Variants in SANBR observed in about 807,000 individuals in gnomAD.
The protein encoded by SANBR is SANT and BTB domain regulator of class switch recombination.
Under a neutral mutation model 101.8 loss-of-function variants are expected in SANBR, and 77 were observed. The observed-to-expected ratio is 0.76, with a 90% CI of 0.63 to 0.91. The LOEUF (loss-of-function observed/expected upper bound fraction) is 0.91. SANBR is among the 40% of genes least tolerant of loss of function. The pLI is 0.00. For missense variants in SANBR, 875 were observed against 853.0 expected (o/e 1.03, Z -0.32); for synonymous variants, 279 against 274.7 (o/e 1.02, Z -0.15).
In SANBR at chr2:61,107,296, G is replaced by C. The variant is rs541157328; in HGVS notation, c.1611+634G>C. Among the ~76,000 whole-genome samples, 20 of 151,862 alleles carry C rather than the reference G, an allele frequency of 1.3e-4. No homozygotes were observed. In the South Asian group the frequency reaches 4.0e-3, roughly 30 times the overall value. ...CCTTCTGCTTCTGTAAACTTTTTTT[G>C]GCATAAAATTATCCTTTTATTGTAA... On this transcript the variant is annotated intron_variant, in intron 14 of 21. Coordinates refer to ENST00000402291, the MANE Select transcript of SANBR (RefSeq NM_001129993.3).
chr2:61,092,169 A>C (rs907256266), intron 10 of SANBR, among the ~76,000 whole-genome samples: 11 of 152,214 alleles, frequency 7.2e-5, no homozygotes. Context: ...TTGGTATTCA[A>C]ATCATTCATA....
At chr2:61,119,424 C>T (rs1014214560) in intron 20 of SANBR, among the ~76,000 whole-genome samples, 4 of 151,740 alleles carry the variant, frequency 2.6e-5, no homozygotes, top group African/African-American at 7.3e-5. Context: ...ACTATTTAGA[C>T]AATGAAAAGA....
chr2:61,107,655 G>A (rs1683638192), intron 14 of SANBR, among the ~76,000 whole-genome samples: 1 of 152,118 alleles, frequency 6.6e-6, no homozygotes, highest in South Asian at 2.1e-4. Context: ...TGTAATCCCT[G>A]CACTTTGGGA....
intron 6 of SANBR, among the ~76,000 whole-genome samples, chr2:61,079,994 CAA>C (rs1197273064): frequency 6.7e-6 from 1 of 149,626 alleles, no homozygotes; most frequent in Non-Finnish European, 1.5e-5. Context: ...GGTCAGGAGG[CAA>C]GACTAGCCTG....
At position 61,122,853 on chromosome 2, in the gene SANBR, C is replaced by CT; in HGVS notation, c.*692dup. 1.0e-6 allele frequency: 1 copy of CT among 984,998 alleles called. No individual in the cohort carries two copies. Among genetic ancestry groups the CT allele is most frequent in the South Asian group, 4.7e-5 (1 of 21,282 alleles). The allele number at this position is 984,998 out of a possible 1,614,324, so 61.0% of individuals were successfully genotyped here. The stretch of plus-strand genomic sequence containing the variant: ...GAATTACTGATTATTACTCTGTCCT[C>CT]TGTGAAACTAGTGGCATTCTGAATT... On this transcript the variant is annotated 3_prime_UTR_variant, in exon 22 of 22. Coordinates refer to ENST00000402291, the MANE Select transcript of SANBR (RefSeq NM_001129993.3).
At chr2:61,119,057 G>A (rs1400041690) in intron 20 of SANBR, among the ~76,000 whole-genome samples, 1 of 152,112 alleles carries the variant, frequency 6.6e-6, no homozygotes, top group African/African-American at 2.4e-5. Flanking sequence ...TCCAGCAGGC[G>A]ACTGTCTGAA....
intron 20 of SANBR, among the ~76,000 whole-genome samples, chr2:61,120,159 A>G (rs1684262674): frequency 6.6e-6 from 1 of 152,220 alleles, no homozygotes; most frequent in Non-Finnish European, 1.5e-5. Context: ...AACTAGAAAT[A>G]CTATAAATGA....
Position 61,081,525 on chromosome 2 carries a change from A to C in SANBR, c.729+15A>C. 6.6e-7 allele frequency: 1 copy of C among 1,523,026 alleles called. No homozygotes were observed. Among genetic ancestry groups the C allele is most frequent in the Non-Finnish European group, 8.8e-7 (1 of 1,142,230 alleles). 94.3% of individuals were successfully genotyped at this position (1,523,026 alleles called of 1,614,324 possible). ...TGGATTCACTAGTAAGTATTGACTT[A>C]AAAAAAATCAAAGTGCTTCTGTTCA... On this transcript the variant is annotated intron_variant, in intron 7 of 21. Transcript: ENST00000402291.
intron 5 of SANBR, chr2:61,075,146 ACAATT>A (rs1298285558): frequency 6.6e-6 from 1 of 152,304 alleles, no homozygotes; most frequent in East Asian, 1.9e-4. Flanking sequence ...AATTAAACAC[ACAATT>A]CAATTAAATT....
chr2:61,115,806 C>T (rs1684049716), intron 16 of SANBR, 173 bp from the exon 17 acceptor site: 1 of 478,076 alleles, frequency 2.1e-6, no homozygotes, highest in African/African-American at 2.0e-5. Flanking sequence ...CTTATGAACC[C>T]CTGTAAAGCA....
At position 61,091,320 on chromosome 2, in the gene SANBR, G is replaced by A. The variant is rs188766199; in HGVS notation, c.1089-1144G>A. 1.4e-3 allele frequency among the ~76,000 whole-genome samples: 211 copies of A among 152,102 alleles called. No homozygotes were observed. In the Middle Eastern group the frequency reaches 0.034, roughly 25 times the overall value. ...TATTAGCCAGGTGTAGGTTTGGCATGGTGGCTCATGCTTGTAATCCTAGCA... is the reference window on the plus strand; with the variant it reads ...TATTAGCCAGGTGTAGGTTTGGCATAGTGGCTCATGCTTGTAATCCTAGCA... On this transcript the variant is annotated intron_variant, in intron 10 of 21. Coordinates refer to ENST00000402291, the MANE Select transcript of SANBR (RefSeq NM_001129993.3).
At chr2:61,079,639 A>G (rs1206742439) in intron 6 of SANBR, among the ~76,000 whole-genome samples, 1 of 152,210 alleles carries the variant, frequency 6.6e-6, no homozygotes. Context: ...CAAAACATGT[A>G]GAGAGAGAAA....
chr2:61,074,796 C>G (rs1681673359), intron 5 of SANBR, among the ~76,000 whole-genome samples: 1 of 152,132 alleles, frequency 6.6e-6, no homozygotes, highest in Non-Finnish European at 1.5e-5. Flanking sequence ...ATTTTATACT[C>G]TAGTCTAAAA....
intron 3 of SANBR, among the ~76,000 whole-genome samples, chr2:61,071,139 A>G (rs1573581742): frequency 6.6e-6 from 1 of 152,226 alleles, no homozygotes; most frequent in Non-Finnish European, 1.5e-5. Flanking sequence ...GCATAGTGAA[A>G]TGTATACAAA....
At chr2:61,076,887 A>ATAT in intron 5 of SANBR, 33 bp from the exon 6 acceptor site, 1 of 1,482,908 alleles carries the variant, frequency 6.7e-7, no homozygotes, top group South Asian at 1.2e-5. Flanking sequence ...TAAAACTCTA[A>ATAT]TAATTTCATT....
chr2:61,134,001 G>A (rs1684767596), intron 20 of SANBR: 1 of 1,316,622 alleles, frequency 7.6e-7, no homozygotes, highest in African/African-American at 1.5e-5. Flanking sequence ...AATTGCATTT[G>A]GGTAATAGAA....
At position 61,067,691 on chromosome 2, in the gene SANBR, G is replaced by A. The variant is rs1681253084; in HGVS notation, c.-146-1158G>A. 2.0e-5 allele frequency among the ~76,000 whole-genome samples: 3 copies of A among 152,114 alleles called. No homozygotes were observed. The South Asian group carries it at 6.2e-4, about 31-fold the overall frequency. On this transcript the variant is annotated intron_variant, in intron 1 of 21. Transcript: ENST00000402291. ...GCGGAGGTTGCAGTGAGCCGAGATCGCGCCACTGCACTCTGGCCTGATGAG... is the reference window on the plus strand; with the variant it reads ...GCGGAGGTTGCAGTGAGCCGAGATCACGCCACTGCACTCTGGCCTGATGAG...
chr2:61,121,464 A>G lies in SANBR; in HGVS notation c.2120+188A>G. The G allele has an allele frequency of 4.5e-6, 2 of 447,480 alleles. 1 individual carries two copies. The highest frequency in any genetic ancestry group is 8.3e-6 in the Non-Finnish European group (2 of 241,894). 27.7% of individuals were successfully genotyped at this position (447,480 alleles called of 1,614,324 possible). The stretch of plus-strand genomic sequence containing the variant: ...AAAAGATAAAATCTAATGAAAATAT[A>G]GCTTTGTGGATTTTTTAAAGTTTTC... On this transcript the variant is annotated intron_variant, in intron 21 of 21. Coordinates refer to ENST00000402291, the MANE Select transcript of SANBR (RefSeq NM_001129993.3).
chr2:61,070,432 A>G lies in SANBR; in HGVS notation c.82A>G (p.Ile28Val), dbSNP rs1302347583. The G allele has an allele frequency of 6.2e-7, 1 of 1,602,804 alleles. No homozygotes were observed. Among genetic ancestry groups the G allele is most frequent in the South Asian group, 1.1e-5 (1 of 88,986 alleles). ...MVLDMILYPL[I>V]GIPQTINWET... The stretch of plus-strand genomic sequence containing the variant: ...ATTGGACATGATCCTTTATCCATTA[A>G]TTGGAATCCCTCAGACTATCAACTG... Residue 28 changes from isoleucine to valine, a missense_variant, in exon 3 of 22, where the codon ATT (isoleucine) becomes GTT (valine). By Grantham distance (29) the Ile-to-Val change is conservative. Coordinates refer to ENST00000402291, the MANE Select transcript of SANBR (RefSeq NM_001129993.3).
Sources: allele counts gnomAD v4.1 joint callset (sites outside exome capture counted in the v4.1 genomes callset), GRCh38; gene constraint gnomAD v4.1.1; transcripts MANE v1.5; gene names NCBI Gene and HGNC (gene_info 2026-07-23, HGNC 2026-07-21).